Variants in ACP7 observed in about 807,000 individuals in gnomAD.
ACP7 encodes the protein acid phosphatase type 7.
ACP7 carries 58 observed loss-of-function variants against 60.6 expected under a neutral mutation model. The ratio of observed to expected loss-of-function variants is 0.96; its 90% CI spans 0.77 to 1.19. The LOEUF (loss-of-function observed/expected upper bound fraction) is 1.19, where lower values mean the gene tolerates loss of function less well. Among genes scored for constraint, ACP7 ranks in the 50% most tolerant of loss-of-function variants. The probability of loss-of-function intolerance (pLI) is 0.00; values close to 1 mark genes in which losing one functional copy is unlikely to be tolerated. For synonymous variants in ACP7, 237 were observed against 232.6 expected, an observed-to-expected ratio of 1.02 and a Z score of -0.17; for missense variants, 574 against 596.2, an observed-to-expected ratio of 0.96 and a Z score of 0.39.
chr19:39,100,371 C>T (rs200190434), intron 5 of ACP7, 21 bp downstream of exon 5: 72 of 1,612,836 alleles, frequency 4.5e-5, no homozygotes, highest in African/African-American at 9.3e-5. Context: ...AGGGTGGTGG[C>T]GGTGGGCGAG....
intron 4 of ACP7, 56 bp downstream of exon 4, chr19:39,099,198 TG>T (rs1448049069): frequency 3.0e-6 from 4 of 1,321,662 alleles, no homozygotes; most frequent in Middle Eastern, 2.7e-4. Flanking sequence ...GCAGGGATGG[TG>T]GGGGGCGCGC....
chr19:39,097,510 G>A (rs1053757864), intron 2 of ACP7, among the ~76,000 whole-genome samples: 1 of 151,486 alleles, frequency 6.6e-6, no homozygotes. Context: ...GCTGCAGTGA[G>A]CTAAGATGGC....
rs1363269798 is a variant in ACP7 at position 39,101,419 on chromosome 19, A to G, written c.1042-47A>G. 1.4e-5 allele frequency: 22 copies of G among 1,613,412 alleles called. No homozygotes were observed. The Admixed American group carries it at 3.3e-4, about 24-fold the overall frequency. ...GTCAGGGTGGTCAGAAGGCCCAGGC[A>G]TGGCCTCGAGTGACTGCCTGCCACC... On this transcript the variant is annotated intron_variant, in intron 10 of 12. Transcript: ENST00000331256.
At chr19:39,086,663 A>C in intron 2 of ACP7, among the ~76,000 whole-genome samples, 1 of 149,320 alleles carries the variant, frequency 6.7e-6, no homozygotes, top group East Asian at 2.0e-4. Flanking sequence ...GGGGGATAGA[A>C]CGGAGCTTGG....
upstream of ACP7, chr19:39,083,908 G>A (rs978974002): frequency 6.6e-6 from 1 of 152,458 alleles, no homozygotes; most frequent in Non-Finnish European, 1.5e-5. Context: ...GCTCAGCATG[G>A]AAAGGAAGGA....
Position 39,099,038 on chromosome 19 carries a change from C to A in ACP7, c.401C>A (p.Pro134His). 6.2e-7 allele frequency: 1 copy of A among 1,613,082 alleles called. No homozygotes were observed. The highest frequency in any genetic ancestry group is 8.5e-7 in the Non-Finnish European group (1 of 1,179,698). The part of the protein sequence containing the change: ...RALKNGAHWS[P>H]RLAVFGDLGA... ...CTCAAGAATGGGGCCCACTGGAGTC[C>A]CCGTCTGGCTGTGTTTGGAGACCTG... The change falls in exon 4 of 13, where the codon CCC (proline) becomes CAC (histidine). Residue 134 changes from proline (P) to histidine (H), a missense_variant. By Grantham distance (77) the Pro-to-His change is moderately conservative (BLOSUM62 -2). Transcript: ENST00000331256.
At chr19:39,088,366 A>G (rs1057360529) in intron 2 of ACP7, among the ~76,000 whole-genome samples, 5 of 152,140 alleles carry the variant, frequency 3.3e-5, no homozygotes, top group African/African-American at 1.2e-4. Flanking sequence ...GGAATCAGAA[A>G]CCACATGAAT....
At chr19:39,098,754 T>C (rs2073301817) in intron 3 of ACP7, 96 bp downstream of exon 3, 1 of 1,398,682 alleles carries the variant, frequency 7.1e-7, no homozygotes, top group African/African-American at 1.4e-5. Context: ...CAGGCTGGGC[T>C]GGTAACTCCA....
intron 11 of ACP7, among the ~76,000 whole-genome samples, chr19:39,105,007 TTTTA>T (rs150896486): frequency 0.32 from 48,298 of 151,196 alleles, 7,818 homozygotes; most frequent in Middle Eastern, 0.39. Flanking sequence ...ATTTAACCAC[TTTTA>T]TTTATTTATT....
chr19:39,091,867 C>T (rs1247091529), intron 2 of ACP7, among the ~76,000 whole-genome samples: 1 of 151,730 alleles, frequency 6.6e-6, no homozygotes, highest in Non-Finnish European at 1.5e-5. Flanking sequence ...ACCAAGATCA[C>T]ACCACTGTCC....
At chr19:39,099,992 C>CAAAA (rs35619428) in intron 4 of ACP7, among the ~76,000 whole-genome samples, 2 of 72,492 alleles carry the variant, frequency 2.8e-5, no homozygotes, top group African/African-American at 5.8e-5. Context: ...GACTCTGTCT[C>CAAAA]AAAAAAAAAA....
rs1448850348 is a variant in ACP7, at chr19:39,100,405, C to T, written c.629+55C>T. The T allele has an allele frequency of 3.9e-5, 63 of 1,607,424 alleles. No homozygotes were observed. In the East Asian group the frequency reaches 4.7e-4, roughly 12 times the overall value. On this transcript the variant is annotated intron_variant, in intron 5 of 12. Transcript: ENST00000331256. ...AGGGCTGGATCAATGGAAATGGTCT[C>T]GTTCTTCTTAGTGTCTCCCTTGAGT...
At chr19:39,098,846 C>T in intron 3 of ACP7, 114 bp from the exon 4 acceptor site, 2 of 1,464,498 alleles carry the variant, frequency 1.4e-6, no homozygotes, top group Non-Finnish European at 9.2e-7. Context: ...GGGGCATGGG[C>T]CAGCCCCCAC....
At chr19:39,098,400 T>C in intron 2 of ACP7, 58 bp from the exon 3 acceptor site, 2 of 1,266,040 alleles carry the variant, frequency 1.6e-6, no homozygotes, top group Non-Finnish European at 2.1e-6. Flanking sequence ...TTTCTGCATA[T>C]CCCTCCCACC....
intron 5 of ACP7, 80 bp from the exon 6 acceptor site, chr19:39,100,500 G>A (rs1282978856): frequency 1.9e-6 from 3 of 1,602,094 alleles, no homozygotes; most frequent in Non-Finnish European, 2.6e-6. Flanking sequence ...TGGACTCAGG[G>A]CCTGACAGTG....
chr19:39,098,275 A>AAAG (rs1555768109), intron 2 of ACP7, among the ~76,000 whole-genome samples, 183 bp from the exon 3 acceptor site: 41 of 126,688 alleles, frequency 3.2e-4, no homozygotes, highest in East Asian at 1.4e-3. Context: ...AAAAAAAAAA[A>AAAG]AAAAGAAAAG....
intron 2 of ACP7, among the ~76,000 whole-genome samples, chr19:39,097,999 C>G (rs1191898415): frequency 1.3e-5 from 2 of 151,804 alleles, no homozygotes. Context: ...GCCTGTAATC[C>G]CAGAACTTTG....
At chr19:39,109,869 G>A (rs692059) in intron 12 of ACP7, among the ~76,000 whole-genome samples, 184 bp from the exon 13 acceptor site, 3,582 of 152,170 alleles carry the variant, frequency 0.024, 149 homozygotes, top group African/African-American at 0.083. Flanking sequence ...CATCTATGAT[G>A]TGGGTACTGT....
intron 4 of ACP7, among the ~76,000 whole-genome samples, chr19:39,099,559 G>A (rs2073315356): frequency 6.6e-6 from 1 of 152,044 alleles, no homozygotes; most frequent in African/African-American, 2.4e-5. Flanking sequence ...AATTAGATGG[G>A]TAATGGGGAT....
Sources: allele counts gnomAD v4.1 joint callset (sites outside exome capture counted in the v4.1 genomes callset), GRCh38; gene constraint gnomAD v4.1.1; transcripts MANE v1.5; gene names NCBI Gene and HGNC (gene_info 2026-07-23, HGNC 2026-07-21).